The following SMCO4 variants were observed in gnomAD, a reference collection of about 807,000 sequenced individuals.
SMCO4 encodes single-pass membrane and coiled-coil domain-containing protein 4.
A neutral mutation model predicts 3.6 loss-of-function variants in SMCO4; 4 were observed. The ratio of observed to expected loss-of-function variants is 1.11; its 90% confidence interval spans 0.54 to 2.53. SMCO4 has a LOEUF of 2.53. Among genes scored for constraint, SMCO4 ranks in the 30% most tolerant of loss-of-function variants. SMCO4 has a pLI of 0.02. For missense variants in SMCO4, 70 were observed against 80.8 expected, an observed-to-expected ratio of 0.87 and a Z score of 0.51; for synonymous variants, 36 against 35.3, an observed-to-expected ratio of 1.02 and a Z score of -0.07.
chr11:93,538,327 A>G (rs1468343289), intron 1 of SMCO4, among the ~76,000 whole-genome samples: 1 of 152,154 alleles, frequency 6.6e-6, no homozygotes, highest in South Asian at 2.1e-4. Context: ...AGTTAACCCC[A>G]TCTAGGGCAG....
At chr11:93,514,421 T>TATATATATATATAA (rs1271205813) in intron 1 of SMCO4, among the ~76,000 whole-genome samples, 2 of 53,410 alleles carry the variant, frequency 3.7e-5, no homozygotes, top group African/African-American at 7.2e-5. Context: ...TATATATATA[T>TATATATATATATAA]AAAATTTGGT....
intron 1 of SMCO4, among the ~76,000 whole-genome samples, chr11:93,540,127 G>T (rs1054068530): frequency 4.6e-5 from 7 of 152,168 alleles, no homozygotes; most frequent in Admixed American, 6.5e-5. Flanking sequence ...TGGGGCTTAG[G>T]GTGGGAAGGC....
intron 1 of SMCO4, among the ~76,000 whole-genome samples, chr11:93,513,377 T>C (rs922676467): frequency 8.5e-5 from 13 of 152,276 alleles, no homozygotes; most frequent in African/African-American, 2.9e-4. Flanking sequence ...TAATTTACTC[T>C]AATGTCTCCC....
chr11:93,523,448 A>G (rs1949077546), intron 1 of SMCO4: 1 of 152,518 alleles, frequency 6.6e-6, no homozygotes, highest in Non-Finnish European at 1.5e-5. Context: ...GCTTGAGCTC[A>G]GGAGTTCAAG....
chr11:93,541,260 C>T (rs566454281), intron 1 of SMCO4, among the ~76,000 whole-genome samples: 5 of 152,168 alleles, frequency 3.3e-5, no homozygotes, highest in African/African-American at 9.7e-5. Context: ...GTCTAGGGGA[C>T]AGGAGCGGGG....
At chr11:93,481,643 T>C in intron 2 of SMCO4, 3 of 380,052 alleles carry the variant, frequency 7.9e-6, no homozygotes, top group Non-Finnish European at 1.1e-5. Context: ...AGTCACCCAG[T>C]TTGTAAATAC....
At position 93,534,215 on chromosome 11, in the gene SMCO4, TACACACACACACACACACACAC is replaced by T. The variant is rs71064754; in HGVS notation, c.-154+9039_-154+9060del. 5.3e-3 allele frequency among the ~76,000 whole-genome samples: 679 copies of T among 128,414 alleles called. 38 individuals are homozygous for T. Among genetic ancestry groups the T allele is most frequent in the South Asian group, 0.041 (168 of 4,118 alleles). 84.2% of individuals were successfully genotyped at this position (128,414 alleles called of 152,430 possible). A position where few individuals can be genotyped will look rare whatever the true frequency, so the allele number is the denominator to read the frequency against. On this transcript the variant is annotated intron_variant, in intron 1 of 2. Coordinates refer to ENST00000298966, the MANE Select transcript of SMCO4 (RefSeq NM_020179.3). ...CAAAAAAAAAAAAAAAATATATATA[TACACACACACACACACACACAC>T]ACACACACACACACACACACACACA...
chr11:93,493,411 T>C (rs1948741024), intron 2 of SMCO4, among the ~76,000 whole-genome samples: 1 of 152,162 alleles, frequency 6.6e-6, no homozygotes, highest in South Asian at 2.1e-4. Flanking sequence ...TACCAAGGGC[T>C]GCTCATTCTC....
intron 1 of SMCO4, among the ~76,000 whole-genome samples, chr11:93,522,262 T>C (rs1949064865): frequency 6.6e-6 from 1 of 152,222 alleles, no homozygotes; most frequent in Non-Finnish European, 1.5e-5. Context: ...AGGCCCACAT[T>C]CAAATGCTGA....
intron 2 of SMCO4, among the ~76,000 whole-genome samples, chr11:93,495,828 T>A (rs1157228344): frequency 6.6e-6 from 1 of 152,208 alleles, no homozygotes; most frequent in African/African-American, 2.4e-5. Flanking sequence ...AAATCACTCC[T>A]TGTTCCATTT....
chr11:93,551,561 T>C, the SMCO4 span, among the ~76,000 whole-genome samples: 1 of 152,094 alleles, frequency 6.6e-6, no homozygotes. Flanking sequence ...AATTCCTGAC[T>C]CCCCTCAGCT....
chr11:93,544,674 G>C (rs1428156832), upstream of SMCO4, among the ~76,000 whole-genome samples: 1 of 151,778 alleles, frequency 6.6e-6, no homozygotes, highest in African/African-American at 2.4e-5. Flanking sequence ...CCTTCCTGCT[G>C]CGTACAAAAG....
At chr11:93,513,999 G>A (rs1948982078) in intron 1 of SMCO4, among the ~76,000 whole-genome samples, 1 of 152,146 alleles carries the variant, frequency 6.6e-6, no homozygotes, top group South Asian at 2.1e-4. Flanking sequence ...TCAGGGCAGG[G>A]ACCACCTGGT....
intron 2 of SMCO4, among the ~76,000 whole-genome samples, chr11:93,486,630 C>T (rs1360474271): frequency 6.6e-6 from 1 of 152,126 alleles, no homozygotes; most frequent in Non-Finnish European, 1.5e-5. Context: ...AAAAGTGCAA[C>T]TCTCTCCACC....
chr11:93,503,380 T>A (rs902356000), intron 1 of SMCO4, among the ~76,000 whole-genome samples: 1 of 152,132 alleles, frequency 6.6e-6, no homozygotes, highest in Non-Finnish European at 1.5e-5. Context: ...ACTGCCCCCA[T>A]GATTCAATTA....
intron 2 of SMCO4, among the ~76,000 whole-genome samples, chr11:93,491,988 C>T (rs1473828516): frequency 6.6e-6 from 1 of 152,208 alleles, no homozygotes; most frequent in East Asian, 1.9e-4. Context: ...ATTCACCTCT[C>T]AGCTAAATTA....
At chr11:93,545,937 C>G (rs767422827), upstream of SMCO4, among the ~76,000 whole-genome samples, 13 of 152,214 alleles carry the variant, frequency 8.5e-5, 1 homozygote, top group Non-Finnish European at 8.8e-5. Context: ...AGGAAAGACC[C>G]TGAGAAGAGA....
chr11:93,547,007 C>T (rs141938330), upstream of SMCO4, among the ~76,000 whole-genome samples: 5 of 152,316 alleles, frequency 3.3e-5, no homozygotes, highest in African/African-American at 9.6e-5. Context: ...CTTTCCAGAA[C>T]CCATTAGAGT....
intron 1 of SMCO4, among the ~76,000 whole-genome samples, chr11:93,542,313 T>C (rs1266908261): frequency 6.6e-6 from 1 of 152,076 alleles, no homozygotes; most frequent in Non-Finnish European, 1.5e-5. Context: ...GATCTAGAGG[T>C]GTCACTTAAA....
Sources: gnomAD v4.1 joint callset for allele counts (sites outside exome capture counted in the v4.1 genomes callset) on GRCh38, gnomAD v4.1.1 for gene constraint, MANE v1.5 for transcripts, NCBI Gene and HGNC (gene_info 2026-07-23, HGNC 2026-07-21) for gene names.